Variants in ARAP3 observed in about 807,000 individuals in gnomAD.
The protein encoded by ARAP3 is ArfGAP with RhoGAP domain, ankyrin repeat and PH domain 3.
A neutral mutation model predicts 169.2 loss-of-function variants in ARAP3; 82 were observed. The observed-to-expected ratio is 0.48, with a 90% CI of 0.41 to 0.58. The LOEUF is 0.58. Ranked by LOEUF, ARAP3 falls within the 20% of genes least tolerant of loss-of-function variation. The pLI, the probability that ARAP3 is intolerant of heterozygous loss-of-function variation, is 0.00. For synonymous variants in ARAP3, 791 were observed against 800.3 expected, an observed-to-expected ratio of 0.99 and a Z score of 0.20; for missense variants, 1,764 against 2,018.0, an observed-to-expected ratio of 0.87 and a Z score of 2.41.
In ARAP3 at chr5:141,654,392, A is replaced by G; in HGVS notation, c.4193T>C (p.Leu1398Pro). 1 of 1,610,268 alleles carries G rather than the reference A, an allele frequency of 6.2e-7. No homozygotes were observed. Among genetic ancestry groups the G allele is most frequent in the Non-Finnish European group, 8.5e-7 (1 of 1,177,832 alleles). Reference protein sequence around the residue: ...SQGSVEEQEELEEPVYEEPVY... With the variant: ...SQGSVEEQEEPEEPVYEEPVY... Reference sequence around the variant, plus strand: ...TGGCTCCTCGTACACAGGCTCCTCCAGCTCCTCTTGCTCCTCCACAGACCC... The same window carrying G: ...TGGCTCCTCGTACACAGGCTCCTCCGGCTCCTCTTGCTCCTCCACAGACCC... The change falls in exon 33 of 33, where the codon CTG (leucine) becomes CCG (proline). Residue 1398 changes from leucine (L) to proline (P), a missense_variant. Physicochemically the swap from Leu to Pro is moderately conservative, Grantham distance 98. Transcript: ENST00000239440.
In ARAP3 at chr5:141,653,527, A is replaced by G. The variant is rs1380215000; in HGVS notation, c.*423T>C. 2 of 155,142 alleles carry G rather than the reference A, an allele frequency of 1.3e-5. No individual in the cohort carries two copies. The highest frequency in any genetic ancestry group is 4.8e-5 in the African/African-American group (2 of 41,560). 9.6% of individuals were successfully genotyped at this position (155,142 alleles called of 1,614,324 possible). A position where few individuals can be genotyped will look rare whatever the true frequency, so the allele number is the denominator to read the frequency against. ...CCCAGAATGTAGGAAGTGGGACAGGATAGACTTTAACATCACCCAGGCCTC... is the reference window on the plus strand; with the variant it reads ...CCCAGAATGTAGGAAGTGGGACAGGGTAGACTTTAACATCACCCAGGCCTC... On this transcript the variant is annotated 3_prime_UTR_variant, in exon 33 of 33. Transcript: ENST00000239440.
chr5:141,656,122 G>C, intron 28 of ARAP3, 23 bp from the exon 29 acceptor site: 1 of 1,614,154 alleles, frequency 6.2e-7, no homozygotes, highest in Non-Finnish European at 8.5e-7. Flanking sequence ...GAACAGTGAT[G>C]GGGCAGTCAG....
In ARAP3 at chr5:141,680,020, G is replaced by A; in HGVS notation, c.467C>T (p.Pro156Leu). The change falls in exon 2 of 33, where the codon CCT (proline) becomes CTT (leucine). Residue 156 changes from proline (P) to leucine (L), a missense_variant. Pro to Leu is a moderately conservative substitution (Grantham distance 98). Coordinates refer to ENST00000239440, the MANE Select transcript of ARAP3 (RefSeq NM_022481.6). ...SSALNTVEMMPNSIYFGLDSR... is the reference protein window; with the variant it reads ...SSALNTVEMMLNSIYFGLDSR... ...GTCCAGGCCGAAGTAGATGGAATTA[G>A]GCATCATCTCCACAGTATTTAGGGC... 1 of 1,614,178 alleles carries A rather than the reference G, an allele frequency of 6.2e-7. No individual in the cohort carries two copies. Among genetic ancestry groups the A allele is most frequent in the South Asian group, 1.1e-5 (1 of 91,086 alleles).
At position 141,654,865 on chromosome 5, in the gene ARAP3, A is replaced by G. The variant is rs566618808; in HGVS notation, c.4150-430T>C. ...AGTGATTCTCCTGCCTCAGCCTCCCAAGTAGCTGGGATCACAGGCATGCAC... is the reference window on the plus strand; with the variant it reads ...AGTGATTCTCCTGCCTCAGCCTCCCGAGTAGCTGGGATCACAGGCATGCAC... On this transcript the variant is annotated intron_variant, in intron 32 of 32. Transcript: ENST00000239440. Among the ~76,000 whole-genome samples the G allele has an allele frequency of 3.4e-3, 512 of 151,214 alleles. 3 individuals are homozygous for G. Among genetic ancestry groups the G allele is most frequent in the Non-Finnish European group, 6.1e-3 (413 of 67,802 alleles).
At chr5:141,681,952 G>A (rs916365874) in intron 1 of ARAP3, among the ~76,000 whole-genome samples, 1 of 151,912 alleles carries the variant, frequency 6.6e-6, no homozygotes, top group African/African-American at 2.4e-5. Context: ...GGACAGGAGT[G>A]GCGGGGGCGG....
At chr5:141,675,450 G>A (rs2154599180) in intron 4 of ARAP3, among the ~76,000 whole-genome samples, 1 of 152,140 alleles carries the variant, frequency 6.6e-6, no homozygotes, top group Admixed American at 6.5e-5. Flanking sequence ...GCTGGGCGTG[G>A]TGGCTTATAC....
At chr5:141,656,936 T>C in intron 25 of ARAP3, 90 bp from the exon 26 acceptor site, 1 of 1,477,524 alleles carries the variant, frequency 6.8e-7, no homozygotes, top group Non-Finnish European at 9.1e-7. Context: ...TCCATTCAAC[T>C]ATCCAACCAC....
rs551695893 is a variant in ARAP3, at chr5:141,676,094, T to C, written c.699-2286A>G. Among the ~76,000 whole-genome samples, 4 of 152,324 alleles carry C rather than the reference T, an allele frequency of 2.6e-5. No homozygotes were observed. The South Asian group carries it at 8.3e-4, about 32-fold the overall frequency. On this transcript the variant is annotated intron_variant, in intron 4 of 32. Coordinates refer to ENST00000239440, the MANE Select transcript of ARAP3 (RefSeq NM_022481.6). Reference sequence around the variant, plus strand: ...ACTCTTGTTGGACAGGTACGGTGGCTCACGCCTGTAATCCCAGCACTTTGG... The same window carrying C: ...ACTCTTGTTGGACAGGTACGGTGGCCCACGCCTGTAATCCCAGCACTTTGG...
chr5:141,661,005 A>G lies in ARAP3; in HGVS notation c.3119+679T>C, dbSNP rs558469016. ...CATGCCGGATGTACTGGCATGTACT[A>G]TAGTTAAGAATTTTATGAATTTTAA... On this transcript the variant is annotated intron_variant, in intron 21 of 32. Transcript: ENST00000239440. Among the ~76,000 whole-genome samples, 15 of 152,006 alleles carry G rather than the reference A, an allele frequency of 9.9e-5. No homozygotes were observed. The East Asian group carries it at 1.7e-3, about 18-fold the overall frequency.
At chr5:141,670,686 C>G in intron 13 of ARAP3, 58 bp from the exon 14 acceptor site, 1 of 1,459,720 alleles carries the variant, frequency 6.9e-7, no homozygotes, top group Middle Eastern at 1.7e-4. Flanking sequence ...AACCTGACCC[C>G]CTCTGGGGAA....
chr5:141,671,644 T>A lies in ARAP3; in HGVS notation c.1780A>T (p.Ile594Phe). ...DATPGPRGEF[I>F]SRKYRLGLFR... ...AGACCCAGACGGTACTTTCGGGAGA[T>A]GAACTCTCCCCGGGGGCCAGGGGTC... The change falls in exon 12 of 33, where the codon ATC becomes TTC. Residue 594 changes from isoleucine (I) to phenylalanine (F), a missense_variant. Ile to Phe is a conservative substitution (Grantham distance 21, BLOSUM62 0). Transcript: ENST00000239440. The surrounding 1 kb of genome is among the most constrained non-coding windows in gnomAD (Gnocchi z 4.9). The A allele has an allele frequency of 1.9e-6, 3 of 1,614,026 alleles. No individual in the cohort carries two copies. Among genetic ancestry groups the A allele is most frequent in the Non-Finnish European group, 2.5e-6 (3 of 1,179,954 alleles).
chr5:141,661,833 A>G (rs753673643), intron 20 of ARAP3, 44 bp from the exon 21 acceptor site: 4 of 1,600,556 alleles, frequency 2.5e-6, no homozygotes, highest in African/African-American at 1.3e-5. Context: ...CCGGGAAGAA[A>G]GAGTGGCAGC....
Position 141,654,158 on chromosome 5 carries a change from T to TGGGGACTGCTCTTTGAAGG in ARAP3, c.4408_4426dup (p.Gln1476ProfsTer83). 1 of 1,600,866 alleles carries TGGGGACTGCTCTTTGAAGG rather than the reference T, an allele frequency of 6.2e-7. No homozygotes were observed. Among genetic ancestry groups the TGGGGACTGCTCTTTGAAGG allele is most frequent in the Non-Finnish European group, 8.6e-7 (1 of 1,169,250 alleles). On this transcript the variant is annotated frameshift_variant, in exon 33 of 33. Transcript: ENST00000239440. LOFTEE classifies it high-confidence loss of function. ...CTGTTCCTCTAGGGACCCCCGTGCC[T>TGGGGACTGCTCTTTGAAGG]GGGGACTGCTCTTTGAAGGGGGGCC...
intron 21 of ARAP3, among the ~76,000 whole-genome samples, chr5:141,660,264 A>G (rs987824454): frequency 6.6e-6 from 1 of 152,070 alleles, no homozygotes; most frequent in Non-Finnish European, 1.5e-5. Flanking sequence ...AGGCCGAGGC[A>G]GGCGGATCAC....
chr5:141,679,247 C>T (rs2099912640), intron 4 of ARAP3, among the ~76,000 whole-genome samples: 1 of 152,184 alleles, frequency 6.6e-6, no homozygotes, highest in African/African-American at 2.4e-5. Context: ...CGAGATTGTG[C>T]CACTGCACTC....
chr5:141,674,242 C>T (rs1443671443), intron 4 of ARAP3, among the ~76,000 whole-genome samples: 6 of 152,010 alleles, frequency 3.9e-5, no homozygotes, highest in African/African-American at 1.4e-4. Flanking sequence ...GGATTACAGG[C>T]GTGAGCCATC....
chr5:141,659,930 C>G lies in ARAP3; in HGVS notation c.3120-4G>C. The G allele has an allele frequency of 6.4e-7, 1 of 1,552,428 alleles. No individual in the cohort carries two copies. The highest frequency in any genetic ancestry group is 8.7e-7 in the Non-Finnish European group (1 of 1,145,074). On this transcript the variant is annotated splice_region_variant and splice_polypyrimidine_tract_variant and intron_variant, in intron 21 of 32. Transcript: ENST00000239440. ...TAGAGCCGCACATTTCTGCACCCTG[C>G]AGAGGGGTGCCACGGTCTTCATCAG...
At chr5:141,660,259 G>A (rs964003216) in intron 21 of ARAP3, among the ~76,000 whole-genome samples, 9 of 152,068 alleles carry the variant, frequency 5.9e-5, no homozygotes, top group Non-Finnish European at 1.2e-4. Context: ...TTGGGAGGCC[G>A]AGGCAGGCGG....
chr5:141,661,383 A>C (rs1460198142), intron 21 of ARAP3, among the ~76,000 whole-genome samples: 3 of 152,092 alleles, frequency 2.0e-5, no homozygotes, highest in Admixed American at 6.6e-5. Context: ...ACTCTCTCAT[A>C]AACTATGAGG....
Sources: gnomAD v4.1 joint callset for allele counts (sites outside exome capture counted in the v4.1 genomes callset) on GRCh38, gnomAD v4.1.1 for gene constraint, Gnocchi (gnomAD v3.1) non-coding constraint, MANE v1.5 for transcripts, NCBI Gene and HGNC (gene_info 2026-07-23, HGNC 2026-07-21) for gene names.